Variants in MAD1L1 observed in about 807,000 individuals in gnomAD.
The protein encoded by MAD1L1 is mitotic spindle assembly checkpoint protein MAD1.
MAD1L1 carries 95 observed loss-of-function variants against 96.9 expected under a neutral mutation model. That is an observed-to-expected ratio of 0.98 (90% CI 0.83 to 1.16). The LOEUF (loss-of-function observed/expected upper bound fraction) is 1.16, where lower values mean the gene tolerates loss of function less well. Among genes scored for constraint, MAD1L1 ranks in the 50% most tolerant of loss-of-function variants. The probability of loss-of-function intolerance (pLI) is 0.00; values close to 1 mark genes in which losing one functional copy is unlikely to be tolerated. For synonymous variants in MAD1L1, 473 were observed against 396.6 expected, an observed-to-expected ratio of 1.19 and a Z score of -2.29; for missense variants, 1,007 against 954.4, an observed-to-expected ratio of 1.06 and a Z score of -0.73.
At chr7:1,922,234 G>A (rs1359636068) in intron 17 of MAD1L1, among the ~76,000 whole-genome samples, 4 of 152,222 alleles carry the variant, frequency 2.6e-5, no homozygotes, top group Admixed American at 1.3e-4. Context: ...ACCTGGCCGC[G>A]CCGCGTCTTT....
intron 18 of MAD1L1, among the ~76,000 whole-genome samples, chr7:1,895,932 G>A (rs1410216239): frequency 6.6e-6 from 1 of 152,274 alleles, no homozygotes; most frequent in African/African-American, 2.4e-5. Flanking sequence ...GCGGCCTGGG[G>A]AGGCGCCAAG....
At chr7:2,006,716 A>G (rs1387107675) in intron 13 of MAD1L1, among the ~76,000 whole-genome samples, 1 of 152,034 alleles carries the variant, frequency 6.6e-6, no homozygotes. Context: ...AGCACAGGAG[A>G]GGCGAGGCAG....
intron 12 of MAD1L1, among the ~76,000 whole-genome samples, chr7:2,065,167 A>T (rs1784826688): frequency 6.6e-6 from 1 of 152,222 alleles, no homozygotes; most frequent in Admixed American, 6.5e-5. Context: ...TACTTCCTGC[A>T]TTCTGCCCCC....
At chr7:2,109,990 G>A (rs113821991) in intron 11 of MAD1L1, among the ~76,000 whole-genome samples, 20 of 149,352 alleles carry the variant, frequency 1.3e-4, no homozygotes, top group African/African-American at 5.1e-4. Flanking sequence ...CAGCACAGTT[G>A]TGAGAGTGCA....
intron 10 of MAD1L1, among the ~76,000 whole-genome samples, chr7:2,202,753 CA>C (rs1368390964): frequency 1.3e-5 from 2 of 152,250 alleles, no homozygotes; most frequent in Non-Finnish European, 2.9e-5. Context: ...CGGGTAATTA[CA>C]AATCACGCGC....
intron 10 of MAD1L1, among the ~76,000 whole-genome samples, chr7:2,150,740 C>T (rs991452738): frequency 2.6e-5 from 4 of 152,246 alleles, no homozygotes; most frequent in African/African-American, 9.6e-5. Context: ...CCCTCACACA[C>T]ACCCAGGGCT....
At chr7:2,086,648 A>T (rs781361525) in intron 11 of MAD1L1, among the ~76,000 whole-genome samples, 2 of 152,182 alleles carry the variant, frequency 1.3e-5, no homozygotes, top group Admixed American at 6.5e-5. Context: ...TCCGCCTCCC[A>T]GGTTCAAGCA....
chr7:1,936,988 A>C, intron 16 of MAD1L1, 91 bp from the exon 17 acceptor site: 1 of 1,010,240 alleles, frequency 9.9e-7, no homozygotes. Context: ...GCCCAGGAAG[A>C]CACACAGCAC....
At chr7:2,022,650 T>TA (rs906139473) in intron 12 of MAD1L1, among the ~76,000 whole-genome samples, 27 of 151,532 alleles carry the variant, frequency 1.8e-4, no homozygotes, top group Admixed American at 1.4e-3. Flanking sequence ...AAAGAAGATT[T>TA]AAAAAAAACA....
intron 12 of MAD1L1, among the ~76,000 whole-genome samples, chr7:2,058,909 G>A (rs1238829671): frequency 6.7e-5 from 5 of 74,280 alleles, no homozygotes; most frequent in South Asian, 7.3e-4. Flanking sequence ...CAGGGGAGAG[G>A]CGCAGGGCTG....
At chr7:1,854,181 A>G (rs1046828686) in intron 18 of MAD1L1, among the ~76,000 whole-genome samples, 9 of 151,906 alleles carry the variant, frequency 5.9e-5, no homozygotes, top group African/African-American at 1.9e-4. Flanking sequence ...GGCTCTTTAC[A>G]TTCTCTGAGC....
At chr7:1,934,674 G>A (rs1789680657) in intron 17 of MAD1L1, among the ~76,000 whole-genome samples, 1 of 144,468 alleles carries the variant, frequency 6.9e-6, no homozygotes, top group African/African-American at 2.6e-5. Context: ...GGAACGAACA[G>A]ATGGGCGAAC....
intron 18 of MAD1L1, among the ~76,000 whole-genome samples, chr7:1,839,616 C>G (rs1204935152): frequency 1.3e-5 from 2 of 152,228 alleles, no homozygotes; most frequent in East Asian, 3.9e-4. Flanking sequence ...GAGTAACTTT[C>G]TAACAGTTTA....
At chr7:1,826,450 T>C (rs1411890433) in intron 18 of MAD1L1, among the ~76,000 whole-genome samples, 1 of 152,122 alleles carries the variant, frequency 6.6e-6, no homozygotes, top group Non-Finnish European at 1.5e-5. Flanking sequence ...AGCCCCACCC[T>C]GCACAAGCCC....
chr7:2,096,068 A>G (rs1466282330), intron 11 of MAD1L1, among the ~76,000 whole-genome samples: 1 of 152,230 alleles, frequency 6.6e-6, no homozygotes, highest in Non-Finnish European at 1.5e-5. Flanking sequence ...CTCGCAGCCC[A>G]CAAACAGGAG....
intron 17 of MAD1L1, among the ~76,000 whole-genome samples, chr7:1,916,216 C>T (rs539769409): frequency 1.5e-4 from 23 of 152,300 alleles, no homozygotes; most frequent in Admixed American, 3.9e-4. Flanking sequence ...CCTCGGAAAC[C>T]GTAAGGCAGC....
At chr7:2,198,259 C>T (rs991033959) in intron 10 of MAD1L1, among the ~76,000 whole-genome samples, 1 of 152,154 alleles carries the variant, frequency 6.6e-6, no homozygotes, top group African/African-American at 2.4e-5. Context: ...CCCAGCCCAG[C>T]GTGGATTTGT....
chr7:1,876,856 G>A (rs1265816545), intron 18 of MAD1L1, among the ~76,000 whole-genome samples: 6 of 144,542 alleles, frequency 4.2e-5, no homozygotes, highest in African/African-American at 7.6e-5. Context: ...CGCACAGGAT[G>A]TCAACAGTAT....
chr7:2,010,630 C>CT (rs567578015), intron 13 of MAD1L1, among the ~76,000 whole-genome samples: 252 of 152,358 alleles, frequency 1.7e-3, no homozygotes, highest in South Asian at 4.3e-3. Flanking sequence ...CAACTCAACA[C>CT]TGTTTTCCTG....
Sources: gnomAD v4.1 joint callset for allele counts (sites outside exome capture counted in the v4.1 genomes callset) on GRCh38, gnomAD v4.1.1 for gene constraint, MANE v1.5 for transcripts, NCBI Gene and HGNC (gene_info 2026-07-23, HGNC 2026-07-21) for gene names.